Variants in PVT1 observed in about 807,000 individuals in gnomAD.
The protein encoded by PVT1 is Pvt1 oncogene.
At chr8:127,905,438 A>G (rs1258185073) in intron 3 of PVT1, among the ~76,000 whole-genome samples, 1 of 152,160 alleles carries the variant, frequency 6.6e-6, no homozygotes, top group Non-Finnish European at 1.5e-5. Flanking sequence ...TGGGATGTGT[A>G]TTTCTTGTGG....
At chr8:127,878,704 A>T (rs1165143196) in intron 2 of PVT1, among the ~76,000 whole-genome samples, 1 of 152,232 alleles carries the variant, frequency 6.6e-6, no homozygotes, top group Non-Finnish European at 1.5e-5. Flanking sequence ...CCTTATTGGC[A>T]CAGTCATATT....
At chr8:128,046,611 C>G (rs554075506) in intron 4 of PVT1, among the ~76,000 whole-genome samples, 39 of 152,344 alleles carry the variant, frequency 2.6e-4, no homozygotes, top group African/African-American at 8.9e-4. Context: ...CCCATCGCAT[C>G]TGGAGGGAGA....
At chr8:127,808,467 G>A (rs911699039) in intron 2 of PVT1, among the ~76,000 whole-genome samples, 2 of 152,174 alleles carry the variant, frequency 1.3e-5, no homozygotes, top group South Asian at 2.1e-4. Context: ...CAAAAGATTC[G>A]TGTGGCTGGA....
intron 4 of PVT1, among the ~76,000 whole-genome samples, chr8:127,999,563 G>A (rs924085056): frequency 5.3e-5 from 8 of 151,832 alleles, no homozygotes; most frequent in African/African-American, 1.9e-4. Flanking sequence ...CCAGGTTCAA[G>A]CGATCCTCCT....
chr8:127,825,170 A>G (rs1049307922), intron 2 of PVT1, among the ~76,000 whole-genome samples: 3 of 151,602 alleles, frequency 2.0e-5, no homozygotes, highest in Non-Finnish European at 4.4e-5. Context: ...CTTTTAAATA[A>G]TGTTGAGATG....
intron 3 of PVT1, among the ~76,000 whole-genome samples, chr8:127,937,804 G>A (rs1053736058): frequency 6.6e-6 from 1 of 152,126 alleles, no homozygotes; most frequent in Admixed American, 6.5e-5. Flanking sequence ...CATCGAACAA[G>A]GGCATTATTT....
At chr8:127,955,898 A>G (rs774013733) in intron 3 of PVT1, among the ~76,000 whole-genome samples, 1 of 152,164 alleles carries the variant, frequency 6.6e-6, no homozygotes, top group Non-Finnish European at 1.5e-5. Context: ...TATCATTTCT[A>G]TTCTGCAAAT....
intron 3 of PVT1, among the ~76,000 whole-genome samples, chr8:127,986,427 C>G (rs563595677): frequency 6.6e-6 from 1 of 152,146 alleles, no homozygotes; most frequent in African/African-American, 2.4e-5. Context: ...ATGGCTTGCT[C>G]GGCCACATCA....
In PVT1 at chr8:128,041,581, T is replaced by C. The variant is rs1813544938; in HGVS notation, n.913-28579T>C. On this transcript the variant is annotated intron_variant and non_coding_transcript_variant, in intron 4 of 10. Transcript: ENST00000651587. ...TGTGTGTATTTTGTGTGTGTGTTTGTGTGTGTTTGCGTGTGTGTACATGTG... is the reference window on the plus strand; with the variant it reads ...TGTGTGTATTTTGTGTGTGTGTTTGCGTGTGTTTGCGTGTGTGTACATGTG... 2.7e-5 allele frequency among the ~76,000 whole-genome samples: 4 copies of C among 147,506 alleles called. No homozygotes were observed. The Admixed American group carries it at 2.8e-4, about 10-fold the overall frequency.
At chr8:127,838,287 A>G (rs1212895941) in intron 2 of PVT1, among the ~76,000 whole-genome samples, 3 of 152,192 alleles carry the variant, frequency 2.0e-5, no homozygotes, top group Non-Finnish European at 4.4e-5. Context: ...TGTCCTTCCT[A>G]AAGTACTTGT....
intron 5 of PVT1, among the ~76,000 whole-genome samples, chr8:128,083,574 C>T (rs1022787672): frequency 6.6e-6 from 1 of 152,230 alleles, no homozygotes; most frequent in African/African-American, 2.4e-5. Context: ...GCTGAAATAC[C>T]CAAACTTGCC....
intron 2 of PVT1, among the ~76,000 whole-genome samples, chr8:127,873,910 TA>T (rs774570215): frequency 6.6e-6 from 1 of 152,240 alleles, no homozygotes; most frequent in Non-Finnish European, 1.5e-5. Context: ...AGGTGTGCAG[TA>T]AATGTCTAGT....
At chr8:127,964,854 T>C (rs1034485111) in intron 3 of PVT1, among the ~76,000 whole-genome samples, 5 of 108,132 alleles carry the variant, frequency 4.6e-5, no homozygotes, top group African/African-American at 1.4e-4. Flanking sequence ...AAGAATGGGG[T>C]TTTACCATGT....
At chr8:127,919,613 G>T (rs1456436792) in intron 3 of PVT1, among the ~76,000 whole-genome samples, 1 of 152,230 alleles carries the variant, frequency 6.6e-6, no homozygotes, top group African/African-American at 2.4e-5. Flanking sequence ...TGGTGGAAAG[G>T]ACGCTGGACT....
chr8:128,011,605 C>G (rs935429835), intron 4 of PVT1, among the ~76,000 whole-genome samples: 1 of 152,138 alleles, frequency 6.6e-6, no homozygotes, highest in African/African-American at 2.4e-5. Context: ...ATTATTTAAG[C>G]CACCCAGTCT....
rs535091200 is a variant in PVT1 at position 128,095,893 on chromosome 8, C to T, written n.1115-625C>T. Among the ~76,000 whole-genome samples the T allele has an allele frequency of 8.1e-4, 124 of 152,318 alleles. 1 individual carries two copies. The highest frequency in any genetic ancestry group is 3.4e-3 in the Middle Eastern group (1 of 294). ...CCACTCCAATTCTGCCATGCTCTTT[C>T]GGCATGGTCAGAGCTGGCTTCTCTG... On this transcript the variant is annotated intron_variant and non_coding_transcript_variant, in intron 5 of 10. Transcript: ENST00000651587.
intron 4 of PVT1, among the ~76,000 whole-genome samples, chr8:128,050,517 A>T (rs1813678105): frequency 6.6e-6 from 1 of 152,056 alleles, no homozygotes; most frequent in Non-Finnish European, 1.5e-5. Context: ...TGTCTTTTAA[A>T]CACTACTTGC....
intron 4 of PVT1, among the ~76,000 whole-genome samples, chr8:128,014,250 T>A (rs1817346203): frequency 6.6e-6 from 1 of 152,176 alleles, no homozygotes; most frequent in Non-Finnish European, 1.5e-5. Context: ...ACAGACGACA[T>A]AGCTTTTCTC....
chr8:128,086,378 A>G (rs552049480), intron 5 of PVT1, among the ~76,000 whole-genome samples: 9 of 152,286 alleles, frequency 5.9e-5, no homozygotes, highest in Non-Finnish European at 1.2e-4. Flanking sequence ...TGCAGTTAGT[A>G]CGGCTGCCCC....
Sources: gnomAD v4.1 joint callset for allele counts (sites outside exome capture counted in the v4.1 genomes callset) on GRCh38, gnomAD v4.1.1 for gene constraint, MANE v1.5 for transcripts, NCBI Gene and HGNC (gene_info 2026-07-23, HGNC 2026-07-21) for gene names.